DPYSL3: variants seen among roughly 807,000 people sequenced by gnomAD.
DPYSL3 encodes the protein dihydropyrimidinase-related protein 3.
In DPYSL3, 16 loss-of-function variants were observed where a neutral mutation model predicts 66.1. That is an observed-to-expected ratio of 0.24 (90% CI 0.16 to 0.37). The LOEUF is 0.37. DPYSL3 is among the 10% of genes least tolerant of loss of function. The pLI is 1.00. For synonymous variants in DPYSL3, 338 were observed against 345.1 expected, an observed-to-expected ratio of 0.98 and a Z score of 0.23; for missense variants, 738 against 916.2, an observed-to-expected ratio of 0.81 and a Z score of 2.51.
intron 1 of DPYSL3, among the ~76,000 whole-genome samples, chr5:147,446,667 T>C (rs774554170): frequency 3.9e-5 from 6 of 152,216 alleles, no homozygotes; most frequent in African/African-American, 7.2e-5. Flanking sequence ...TAGACCCAGA[T>C]CTGCTCTGAA....
chr5:147,504,216 CT>C (rs1753653896), intron 1 of DPYSL3, among the ~76,000 whole-genome samples: 1 of 152,232 alleles, frequency 6.6e-6, no homozygotes. Context: ...AGTGTTCTGG[CT>C]GCCTTAAACA....
chr5:147,499,319 A>C (rs1753568179), intron 1 of DPYSL3, among the ~76,000 whole-genome samples: 2 of 152,210 alleles, frequency 1.3e-5, no homozygotes, highest in Non-Finnish European at 2.9e-5. Flanking sequence ...TACAAAGTTA[A>C]TATGCAAAAG....
In DPYSL3 at chr5:147,503,479, A is replaced by C. The variant is rs1300379216; in HGVS notation, c.381+5999T>G. ...TAGTTAATTTTTAAATTATTTTTAG[A>C]GACCAAGTGTTCTACGTTGCCCAGT... On this transcript the variant is annotated intron_variant, in intron 1 of 13. Coordinates refer to ENST00000343218, the MANE Select transcript of DPYSL3 (RefSeq NM_001197294.2). Among the ~76,000 whole-genome samples, 13 of 152,108 alleles carry C rather than the reference A, an allele frequency of 8.5e-5. 1 individual carries two copies. Among genetic ancestry groups the C allele is most frequent in the Admixed American group, 8.5e-4 (13 of 15,264 alleles).
chr5:147,431,326 G>C (rs1030984302), intron 1 of DPYSL3, among the ~76,000 whole-genome samples: 3 of 152,020 alleles, frequency 2.0e-5, no homozygotes, highest in African/African-American at 7.2e-5. Flanking sequence ...ATGTTGCCTT[G>C]GGTGAGACAT....
At chr5:147,400,558 T>C (rs1758140292) in intron 10 of DPYSL3, 134 bp downstream of exon 10, 2 of 1,244,672 alleles carry the variant, frequency 1.6e-6, no homozygotes, top group African/African-American at 1.5e-5. Context: ...GCCACATGGT[T>C]CCAGAGACAT....
chr5:147,492,626 T>C (rs1753432660), intron 1 of DPYSL3, among the ~76,000 whole-genome samples: 2 of 151,578 alleles, frequency 1.3e-5, no homozygotes. Context: ...TTTGTAAATA[T>C]ATGTTGCAAA....
chr5:147,461,170 T>C (rs1752925476), intron 1 of DPYSL3, among the ~76,000 whole-genome samples: 1 of 152,174 alleles, frequency 6.6e-6, no homozygotes, highest in Non-Finnish European at 1.5e-5. Context: ...AGGCACCATT[T>C]TCCCTTTTGT....
intron 1 of DPYSL3, among the ~76,000 whole-genome samples, chr5:147,503,914 T>A (rs1753649715): frequency 6.6e-6 from 1 of 152,232 alleles, no homozygotes; most frequent in Non-Finnish European, 1.5e-5. Flanking sequence ...GCCTAATATG[T>A]TCTTTGATGG....
chr5:147,453,703 C>T (rs1752789224), intron 1 of DPYSL3: 7 of 1,339,696 alleles, frequency 5.2e-6, no homozygotes, highest in Admixed American at 6.9e-5. Context: ...GGTGCGCTGG[C>T]CGCGCCGCCG....
At chr5:147,420,049 C>T (rs535794156) in intron 2 of DPYSL3, among the ~76,000 whole-genome samples, 2 of 152,154 alleles carry the variant, frequency 1.3e-5, no homozygotes, top group East Asian at 3.9e-4. Flanking sequence ...GCTCCACCAA[C>T]GAAGGCCGCA....
chr5:147,394,103 C>G lies in DPYSL3; in HGVS notation c.1987G>C (p.Val663Leu). Reference protein sequence around the residue: ...SLSGTQVDEGVRSASKRIVAP... With the variant: ...SLSGTQVDEGLRSASKRIVAP... ...ACGATGCGCTTGCTGGCTGAGCGAA[C>G]CCCCTCATCCACTTGGGTGCCTACA... Residue 663 changes from valine (V) to leucine (L), a missense_variant, in exon 14 of 14, where the codon GTT (valine) becomes CTT (leucine). Coordinates refer to ENST00000343218, the MANE Select transcript of DPYSL3 (RefSeq NM_001197294.2). 1 of 1,614,142 alleles carries G rather than the reference C, an allele frequency of 6.2e-7. No individual in the cohort carries two copies. Among genetic ancestry groups the G allele is most frequent in the Non-Finnish European group, 8.5e-7 (1 of 1,180,018 alleles).
chr5:147,448,120 T>C (rs1379577858), intron 1 of DPYSL3, among the ~76,000 whole-genome samples: 2 of 152,156 alleles, frequency 1.3e-5, no homozygotes, highest in Non-Finnish European at 2.9e-5. Flanking sequence ...TTTTCAAATT[T>C]AGTTTTATTT....
chr5:147,412,725 A>C, intron 5 of DPYSL3, 37 bp from the exon 6 acceptor site: 3 of 1,579,532 alleles, frequency 1.9e-6, no homozygotes, highest in Non-Finnish European at 2.6e-6. Flanking sequence ...TCTTGCAAGC[A>C]CTTTTAGCAG....
intron 1 of DPYSL3, among the ~76,000 whole-genome samples, chr5:147,475,417 A>C (rs1479714655): frequency 6.6e-6 from 1 of 152,108 alleles, no homozygotes; most frequent in Non-Finnish European, 1.5e-5. Context: ...AAATAATAGC[A>C]CTTCAAAAGC....
chr5:147,420,519 C>A (rs1444769185), intron 2 of DPYSL3, among the ~76,000 whole-genome samples: 9 of 152,086 alleles, frequency 5.9e-5, no homozygotes, highest in Admixed American at 3.3e-4. Flanking sequence ...ATGATTTGGG[C>A]CTTGATAATG....
chr5:147,460,001 G>A lies in DPYSL3; in HGVS notation c.382-35038C>T, dbSNP rs184069595. Among the ~76,000 whole-genome samples the A allele has an allele frequency of 3.3e-5, 5 of 151,978 alleles. No individual in the cohort carries two copies. The East Asian group carries it at 5.8e-4, about 18-fold the overall frequency. On this transcript the variant is annotated intron_variant, in intron 1 of 13. Transcript: ENST00000343218. ...GGTGGGCGCCTGTTATCCCAGCTAC[G>A]TTGGGAGGCTGAGGCAGGAGAATGG...
At chr5:147,442,355 C>A (rs576564661) in intron 1 of DPYSL3, among the ~76,000 whole-genome samples, 2 of 151,988 alleles carry the variant, frequency 1.3e-5, no homozygotes, top group Admixed American at 1.3e-4. Flanking sequence ...GCAAAGGTGG[C>A]GGTGAGAAAA....
chr5:147,405,617 C>T lies in DPYSL3; in HGVS notation c.1146G>A (p.Arg382=). The change falls in exon 8 of 14, where the codon AGG becomes AGA. Residue 382 remains arginine, a synonymous_variant. Transcript: ENST00000343218. ...KSAADLISQA[R]KKGNVVFGEP... ...CTTGGAAACACAAATCACCTTTTTT[C>T]CTGGCTTGTGAGATGAGGTCAGCTG... 1 of 1,608,340 alleles carries T rather than the reference C, an allele frequency of 6.2e-7. No individual in the cohort carries two copies. Among genetic ancestry groups the T allele is most frequent in the Admixed American group, 1.7e-5 (1 of 58,564 alleles).
chr5:147,501,070 C>T (rs1171888302), intron 1 of DPYSL3, among the ~76,000 whole-genome samples: 2 of 152,138 alleles, frequency 1.3e-5, no homozygotes, highest in Admixed American at 1.3e-4. Flanking sequence ...GAAGCAACCA[C>T]GACATCCTTC....
Sources: allele counts gnomAD v4.1 joint callset (sites outside exome capture counted in the v4.1 genomes callset), GRCh38; gene constraint gnomAD v4.1.1; transcripts MANE v1.5; gene names NCBI Gene and HGNC (gene_info 2026-07-23, HGNC 2026-07-21).